RHOBTB2: variants seen among roughly 807,000 people sequenced by gnomAD.
The protein encoded by RHOBTB2 is rho-related BTB domain-containing protein 2.
A neutral mutation model predicts 66.5 loss-of-function variants in RHOBTB2; 39 were observed. The observed-to-expected ratio is 0.59, with a 90% CI of 0.45 to 0.77. The LOEUF (loss-of-function observed/expected upper bound fraction) is 0.77. Ranked by LOEUF, RHOBTB2 falls within the 30% of genes least tolerant of loss-of-function variation. RHOBTB2 has a pLI of 0.00. For missense variants in RHOBTB2, 755 were observed against 999.1 expected (o/e 0.76, Z 3.29); for synonymous variants, 390 against 395.0 (o/e 0.99, Z 0.15).
chr8:23,011,367 C>T (rs1461531231), intron 7 of RHOBTB2, among the ~76,000 whole-genome samples: 2 of 152,184 alleles, frequency 1.3e-5, no homozygotes, highest in Admixed American at 1.3e-4. Context: ...CACATTTCTA[C>T]CCTGTGGTTC....
At chr8:22,974,618 T>G in the RHOBTB2 span, among the ~76,000 whole-genome samples, 1 of 152,156 alleles carries the variant, frequency 6.6e-6, no homozygotes. Flanking sequence ...CCTGAAGGCC[T>G]AGAAGCTATA....
chr8:22,999,355 G>A (rs4871843), upstream of RHOBTB2, among the ~76,000 whole-genome samples: 5,810 of 151,980 alleles, frequency 0.038, 164 homozygotes, highest in Admixed American at 0.068. Flanking sequence ...CCAGGTGGAG[G>A]GACCGGCGCC....
chr8:22,995,801 G>T (rs1035496022), upstream of RHOBTB2: 2 of 1,531,912 alleles, frequency 1.3e-6, no homozygotes, highest in South Asian at 2.4e-5. Flanking sequence ...GGGGATGGGG[G>T]GCGGAGCTCA....
chr8:22,979,821 G>T, the RHOBTB2 span, among the ~76,000 whole-genome samples: 1 of 138,262 alleles, frequency 7.2e-6, no homozygotes, highest in South Asian at 2.3e-4. Flanking sequence ...GCAGTGGAGC[G>T]ATCGCAGCTC....
chr8:22,951,278 G>A, the RHOBTB2 span, among the ~76,000 whole-genome samples: 2 of 103,046 alleles, frequency 1.9e-5, no homozygotes, highest in Non-Finnish European at 3.5e-5. Context: ...TTGAAATGGA[G>A]TCTCACTCTG....
chr8:22,975,110 A>G, the RHOBTB2 span, among the ~76,000 whole-genome samples: 1 of 152,064 alleles, frequency 6.6e-6, no homozygotes, highest in Non-Finnish European at 1.5e-5. Context: ...AAGAGAGTCA[A>G]GCCCACATCT....
Position 23,006,608 on chromosome 8 carries a change from G to A in RHOBTB2, c.483-120G>A. 7 of 949,040 alleles carry A rather than the reference G, an allele frequency of 7.4e-6. 1 individual carries two copies. Among genetic ancestry groups the A allele is most frequent in the Admixed American group, 2.2e-5 (1 of 45,718 alleles). The allele number at this position is 949,040 out of a possible 1,614,324, so 58.8% of individuals were successfully genotyped here. A position where few individuals can be genotyped will look rare whatever the true frequency, so the allele number is the denominator to read the frequency against. On this transcript the variant is annotated intron_variant, in intron 4 of 9. Transcript: ENST00000251822. The surrounding 1 kb of genome is among the most constrained non-coding windows in gnomAD (Gnocchi z 6.1). Reference sequence around the variant, plus strand: ...TGATGGGATTTGGCCAGACAGAGCAGGGCAGGAGTGGGTGGGGATTGGCAC... The same window carrying A: ...TGATGGGATTTGGCCAGACAGAGCAAGGCAGGAGTGGGTGGGGATTGGCAC...
the RHOBTB2 span, among the ~76,000 whole-genome samples, chr8:22,976,911 C>T: frequency 6.6e-6 from 1 of 151,904 alleles, no homozygotes; most frequent in African/African-American, 2.4e-5. Context: ...CAGGCGTGAG[C>T]CACTGTGCCT....
chr8:22,952,627 G>A, the RHOBTB2 span, among the ~76,000 whole-genome samples: 134 of 152,238 alleles, frequency 8.8e-4, no homozygotes, highest in African/African-American at 2.8e-3. Context: ...TTTTGAGGCC[G>A]GGTGTGGTGG....
chr8:22,989,270 C>T (rs1810365294), intron 1 of RHOBTB2, among the ~76,000 whole-genome samples: 1 of 152,168 alleles, frequency 6.6e-6, no homozygotes, highest in African/African-American at 2.4e-5. Flanking sequence ...GCCTCAGCCT[C>T]CCAAGTAGCT....
Position 23,019,748 on chromosome 8 carries a change from C to G in RHOBTB2, c.*2279C>G, listed in dbSNP as rs1411955971. On this transcript the variant is annotated 3_prime_UTR_variant, in exon 10 of 10. Coordinates refer to ENST00000251822, the MANE Select transcript of RHOBTB2 (RefSeq NM_015178.3). ...CATAGGAGAGTGACCACGGGATTCC[C>G]TGAGAAACAGGGCCGGCCCCCCAAC... 6.2e-6 allele frequency: 1 copy of G among 160,726 alleles called. No individual in the cohort carries two copies. The highest frequency in any genetic ancestry group is 5.9e-5 in the Admixed American group (1 of 16,876). The allele number at this position is 160,726 out of a possible 1,614,324, so 10.0% of individuals were successfully genotyped here.
chr8:23,011,151 G>C (rs1222333794), intron 7 of RHOBTB2, among the ~76,000 whole-genome samples: 2 of 152,202 alleles, frequency 1.3e-5, no homozygotes, highest in Non-Finnish European at 2.9e-5. Context: ...CTACTCGGGA[G>C]GCTGAGGCAA....
At position 23,019,798 on chromosome 8, in the gene RHOBTB2, C is replaced by T. The variant is rs919194396; in HGVS notation, c.*2329C>T. On this transcript the variant is annotated 3_prime_UTR_variant, in exon 10 of 10. Coordinates refer to ENST00000251822, the MANE Select transcript of RHOBTB2 (RefSeq NM_015178.3). Reference sequence around the variant, plus strand: ...CTTCAGGGACCCACCGCCCATTCCCCGAGAGCTGTCGGAACCAGATGCAAC... The same window carrying T: ...CTTCAGGGACCCACCGCCCATTCCCTGAGAGCTGTCGGAACCAGATGCAAC... 8 of 163,080 alleles carry T rather than the reference C, an allele frequency of 4.9e-5. No homozygotes were observed. Among genetic ancestry groups the T allele is most frequent in the Non-Finnish European group, 8.1e-5 (6 of 74,516 alleles). 10.1% of individuals were successfully genotyped at this position (163,080 alleles called of 1,614,324 possible).
upstream of RHOBTB2, among the ~76,000 whole-genome samples, chr8:22,985,159 G>A (rs12155842): frequency 0.23 from 35,426 of 151,984 alleles, 4,748 homozygotes; most frequent in East Asian, 0.49. Flanking sequence ...AATGAGAAGA[G>A]ACAGGTTAAG....
At chr8:22,993,363 A>G (rs933543970) in intron 2 of RHOBTB2, among the ~76,000 whole-genome samples, 2 of 151,748 alleles carry the variant, frequency 1.3e-5, no homozygotes, top group African/African-American at 4.8e-5. Context: ...TTAGGCCCTT[A>G]CTCTCCGTGC....
chr8:23,004,800 C>G lies in RHOBTB2; in HGVS notation c.192+174C>G, dbSNP rs1810899163. ...CCCTGGAGAGAGGTTTAAGCCAAGTCTGCCCCAGGGAAGTGTCTCTGGCTG... is the reference window on the plus strand; with the variant it reads ...CCCTGGAGAGAGGTTTAAGCCAAGTGTGCCCCAGGGAAGTGTCTCTGGCTG... On this transcript the variant is annotated intron_variant, in intron 2 of 9. Coordinates refer to ENST00000251822, the MANE Select transcript of RHOBTB2 (RefSeq NM_015178.3). This position sits in a 1 kb window ranked among gnomAD's most constrained non-coding sequence, Gnocchi z 6.4. 3.1e-6 allele frequency: 2 copies of G among 641,286 alleles called. No homozygotes were observed. Among genetic ancestry groups the G allele is most frequent in the Admixed American group, 2.7e-5 (1 of 36,724 alleles). 39.7% of individuals were successfully genotyped at this position (641,286 alleles called of 1,614,324 possible). A position where few individuals can be genotyped will look rare whatever the true frequency, so the allele number is the denominator to read the frequency against.
rs1356400965 is a variant in RHOBTB2 at position 23,010,103 on chromosome 8, C to T, written c.1621-435C>T. 5.9e-5 allele frequency among the ~76,000 whole-genome samples: 9 copies of T among 152,168 alleles called. No individual in the cohort carries two copies. In the South Asian group the frequency reaches 8.3e-4, roughly 14 times the overall value. On this transcript the variant is annotated intron_variant, in intron 6 of 9. Transcript: ENST00000251822. ...CAGAAGGCCTCCTTCAAGCATCCCG[C>T]GAGCAAGAGCGGCTTCCAAAGGGTG...
the RHOBTB2 span, among the ~76,000 whole-genome samples, chr8:22,963,117 G>T: frequency 6.6e-6 from 1 of 152,186 alleles, no homozygotes; most frequent in African/African-American, 2.4e-5. Flanking sequence ...GCATATGGCA[G>T]CAGGAGCCAA....
chr8:22,959,243 TTTTG>T, the RHOBTB2 span, among the ~76,000 whole-genome samples: 117,937 of 151,068 alleles, frequency 0.78, 46,136 homozygotes, highest in East Asian at 0.83. Context: ...ATTTTTCTTT[TTTTG>T]TTTGTTTGTT....
Sources: gnomAD v4.1 joint callset for allele counts (sites outside exome capture counted in the v4.1 genomes callset) on GRCh38, gnomAD v4.1.1 for gene constraint, Gnocchi (gnomAD v3.1) non-coding constraint, MANE v1.5 for transcripts, NCBI Gene and HGNC (gene_info 2026-07-23, HGNC 2026-07-21) for gene names.